RORA: variants seen among roughly 807,000 people sequenced by gnomAD.
RORA encodes the protein nuclear receptor ROR-alpha.
Under a neutral mutation model 69.5 loss-of-function variants are expected in RORA, and 7 were observed. The observed-to-expected ratio is 0.10, with a 90% confidence interval of 0.06 to 0.19. The LOEUF is 0.19. Among genes scored for constraint, RORA ranks in the 10% least tolerant of loss-of-function variants. The pLI, the probability that RORA is intolerant of heterozygous loss-of-function variation, is 1.00. For missense variants in RORA, 457 were observed against 663.0 expected, an observed-to-expected ratio of 0.69 and a Z score of 3.41; for synonymous variants, 261 against 240.8, an observed-to-expected ratio of 1.08 and a Z score of -0.78.
intron 1 of RORA, among the ~76,000 whole-genome samples, chr15:60,954,802 C>A (rs1323128802): frequency 3.3e-5 from 5 of 152,184 alleles, no homozygotes; most frequent in Admixed American, 1.3e-4. Context: ...TCTCCAAGCA[C>A]TTGAAGGGCC....
intron 1 of RORA, among the ~76,000 whole-genome samples, chr15:60,968,667 C>CTTTTTTTTTTTTT (rs5813056): frequency 6.9e-6 from 1 of 145,644 alleles, no homozygotes; most frequent in South Asian, 2.2e-4. Flanking sequence ...CAACATAAAT[C>CTTTTTTTTTTTTT]TTTTTTTTTT....
intron 2 of RORA, among the ~76,000 whole-genome samples, chr15:60,561,193 T>C (rs1350694652): frequency 6.6e-6 from 1 of 150,950 alleles, no homozygotes; most frequent in African/African-American, 2.4e-5. Flanking sequence ...GCCATTCTCC[T>C]GCCTCAGCCT....
At chr15:60,650,750 ATTAAC>A (rs1414447223) in intron 2 of RORA, 1 of 152,200 alleles carries the variant, frequency 6.6e-6, no homozygotes, top group Non-Finnish European at 1.5e-5. Context: ...TTCCAAGCAA[ATTAAC>A]TTCCAGAATA....
intron 1 of RORA, among the ~76,000 whole-genome samples, chr15:61,137,774 A>T (rs758031612): frequency 6.6e-6 from 1 of 152,264 alleles, no homozygotes; most frequent in African/African-American, 2.4e-5. Flanking sequence ...AAAATTACAC[A>T]TTTTATGCAT....
chr15:60,875,979 G>T (rs766985375), intron 1 of RORA, among the ~76,000 whole-genome samples: 4 of 152,096 alleles, frequency 2.6e-5, no homozygotes, highest in Non-Finnish European at 4.4e-5. Context: ...TTTCACTTAA[G>T]GATCAGGTTC....
chr15:61,222,887 C>T (rs1341675006), intron 1 of RORA, among the ~76,000 whole-genome samples: 1 of 152,170 alleles, frequency 6.6e-6, no homozygotes, highest in Non-Finnish European at 1.5e-5. Context: ...GCCAAAGATA[C>T]CCCTTCAATA....
intron 1 of RORA, among the ~76,000 whole-genome samples, chr15:61,139,720 G>C (rs919933943): frequency 6.6e-6 from 1 of 152,138 alleles, no homozygotes; most frequent in African/African-American, 2.4e-5. Context: ...CGAGAGAGTC[G>C]ACTACTCCTG....
At chr15:60,881,656 TA>T (rs1195411767) in intron 1 of RORA, among the ~76,000 whole-genome samples, 4 of 150,842 alleles carry the variant, frequency 2.7e-5, no homozygotes, top group African/African-American at 4.9e-5. Flanking sequence ...AGAGTGGGAG[TA>T]AAAGGGAAAG....
rs59044853 is a variant in RORA, at chr15:60,819,746, G to GACACACAC, written c.167-141068_167-141061dup. On this transcript the variant is annotated intron_variant, in intron 1 of 10. Coordinates refer to ENST00000335670, the MANE Select transcript of RORA (RefSeq NM_134261.3). The stretch of plus-strand genomic sequence containing the variant: ...CACTCCTGGACTGAAGTCAAACCCA[G>GACACACAC]ACACACACACACACACACACACACA... Among the ~76,000 whole-genome samples the GACACACAC allele has an allele frequency of 7.7e-3, 921 of 119,324 alleles. 22 individuals carry two copies. Among genetic ancestry groups the GACACACAC allele is most frequent in the African/African-American group, 0.022 (655 of 29,874 alleles). The allele number at this position is 119,324 out of a possible 152,430, so 78.3% of individuals were successfully genotyped here. A position where few individuals can be genotyped will look rare whatever the true frequency, so the allele number is the denominator to read the frequency against.
chr15:61,071,758 C>A (rs1461881921), intron 1 of RORA, among the ~76,000 whole-genome samples: 1 of 151,382 alleles, frequency 6.6e-6, no homozygotes, highest in Non-Finnish European at 1.5e-5. Context: ...GATTTCAGAA[C>A]TGAGATGAAG....
chr15:61,142,137 C>T (rs1475810986), intron 1 of RORA, among the ~76,000 whole-genome samples: 1 of 92,762 alleles, frequency 1.1e-5, no homozygotes, highest in African/African-American at 3.1e-5. Context: ...CAATATAGAC[C>T]ATTTATAAAG....
chr15:60,608,255 A>G (rs1321366053), intron 2 of RORA, among the ~76,000 whole-genome samples: 1 of 152,166 alleles, frequency 6.6e-6, no homozygotes, highest in Non-Finnish European at 1.5e-5. Context: ...CACTCCACAT[A>G]TTGTCCTGGA....
In RORA at chr15:60,535,982, A is replaced by T. The variant is rs561908246; in HGVS notation, c.197-4131T>A. Among the ~76,000 whole-genome samples the T allele has an allele frequency of 5.3e-5, 8 of 152,280 alleles. No homozygotes were observed. The South Asian group carries it at 1.7e-3, about 32-fold the overall frequency. On this transcript the variant is annotated intron_variant, in intron 2 of 10. Coordinates refer to ENST00000335670, the MANE Select transcript of RORA (RefSeq NM_134261.3). ...GTAGTTTGTTTAAACTTAACACACT[A>T]CTCAGGAATTGATGTCAACATCTCT...
intron 1 of RORA, among the ~76,000 whole-genome samples, chr15:61,114,985 T>C (rs776426271): frequency 1.3e-5 from 2 of 152,206 alleles, no homozygotes; most frequent in African/African-American, 2.4e-5. Flanking sequence ...CTTTAAAAAA[T>C]ATTTCTAAAT....
intron 2 of RORA, chr15:60,558,442 C>A (rs924138560): frequency 7.0e-6 from 4 of 572,104 alleles, no homozygotes; most frequent in Non-Finnish European, 1.2e-5. Flanking sequence ...ATCTCATACA[C>A]CAGAATTCAG....
chr15:60,927,276 T>C (rs1243604378), intron 1 of RORA, among the ~76,000 whole-genome samples: 1 of 152,194 alleles, frequency 6.6e-6, no homozygotes, highest in East Asian at 1.9e-4. Context: ...CTAAGGAAGC[T>C]CTATCCTATG....
intron 1 of RORA, among the ~76,000 whole-genome samples, chr15:61,152,269 G>A (rs2079404166): frequency 1.3e-5 from 2 of 152,148 alleles, no homozygotes; most frequent in Admixed American, 1.3e-4. Flanking sequence ...AAATAGTTGA[G>A]TTCCTGCCCA....
rs111661482 is a variant in RORA, at chr15:60,822,285, C to G, written c.167-143599G>C. On this transcript the variant is annotated intron_variant, in intron 1 of 10. Transcript: ENST00000335670. ...AGTTGTAGCCCAAGGAGTGCTATGA[C>G]TTGCCAAGGTCTCTACTTCACCAGA... Among the ~76,000 whole-genome samples, 157 of 152,286 alleles carry G rather than the reference C, an allele frequency of 1.0e-3. 1 individual carries two copies. Among genetic ancestry groups the G allele is most frequent in the African/African-American group, 3.7e-3 (155 of 41,556 alleles).
At chr15:61,105,678 G>GT (rs1286066643) in intron 1 of RORA, among the ~76,000 whole-genome samples, 1 of 152,156 alleles carries the variant, frequency 6.6e-6, no homozygotes, top group Non-Finnish European at 1.5e-5. Flanking sequence ...ATAACACAAT[G>GT]TAAGGAATGC....
Sources: allele counts gnomAD v4.1 joint callset (sites outside exome capture counted in the v4.1 genomes callset), GRCh38; gene constraint gnomAD v4.1.1; transcripts MANE v1.5; gene names NCBI Gene and HGNC (gene_info 2026-07-23, HGNC 2026-07-21).